Variants in LRRC32 observed in about 807,000 individuals in gnomAD.
LRRC32 encodes the protein transforming growth factor beta activator LRRC32.
LRRC32 carries 5 observed loss-of-function variants against 15.0 expected under a neutral mutation model. The observed-to-expected ratio is 0.33, with a 90% confidence interval of 0.17 to 0.70. The LOEUF is 0.70. Ranked by LOEUF, LRRC32 falls within the 30% of genes least tolerant of loss-of-function variation. The pLI is 0.66. For synonymous variants in LRRC32, 391 were observed against 403.9 expected, an observed-to-expected ratio of 0.97 and a Z score of 0.38; for missense variants, 803 against 854.2, an observed-to-expected ratio of 0.94 and a Z score of 0.75.
chr11:76,667,253 C>T (rs1952640530), intron 1 of LRRC32, among the ~76,000 whole-genome samples: 2 of 152,204 alleles, frequency 1.3e-5, no homozygotes, highest in South Asian at 4.1e-4. Context: ...TCTCAGAGAG[C>T]TTAGGTACTA....
Position 76,659,756 on chromosome 11 carries a change from C to T in LRRC32, c.1837G>A (p.Val613Met), listed in dbSNP as rs771302436. The T allele has an allele frequency of 1.4e-5, 22 of 1,614,108 alleles. No homozygotes were observed. The highest frequency in any genetic ancestry group is 2.2e-5 in the East Asian group (1 of 44,896). Residue 613 changes from valine to methionine, a missense_variant, in exon 3 of 3, where the codon GTG becomes ATG. Coordinates refer to ENST00000260061, the MANE Select transcript of LRRC32 (RefSeq NM_001128922.2). ...SSQEEVSLSH[V>M]RPEDCEKGGL... ...CCCTTCTCACAGTCCTCGGGACGCA[C>T]GTGGCTCAGGGACACCTCCTCCTGG...
Position 76,659,700 on chromosome 11 carries a change from G to A in LRRC32, c.1893C>T (p.Ile631=). ...GGLKNINLII[I]LTFILVSAIL... Reference sequence around the variant, plus strand: ...TGGCAGAGACCAGTATGAAGGTGAGGATGATGATGAGGTTGATGTTCTTCA... The same window carrying A: ...TGGCAGAGACCAGTATGAAGGTGAGAATGATGATGAGGTTGATGTTCTTCA... The change falls in exon 3 of 3, where the codon ATC becomes ATT. Residue 631 remains isoleucine (I), a synonymous_variant. Coordinates refer to ENST00000260061, the MANE Select transcript of LRRC32 (RefSeq NM_001128922.2). 1.2e-6 allele frequency: 2 copies of A among 1,614,194 alleles called. No individual in the cohort carries two copies. Among genetic ancestry groups the A allele is most frequent in the Non-Finnish European group, 1.7e-6 (2 of 1,180,010 alleles).
At chr11:76,666,026 C>T in intron 1 of LRRC32, 68 bp from the exon 2 acceptor site, 1 of 1,429,800 alleles carries the variant, frequency 7.0e-7, no homozygotes, top group South Asian at 1.2e-5. Context: ...CCAGCCCCCA[C>T]TCCCACCCAT....
chr11:76,670,635 TC>T lies in LRRC32; in HGVS notation c.-27del, dbSNP rs1197213198. The T allele has an allele frequency of 1.3e-3, 203 of 151,734 alleles. 6 individuals are homozygous for T. The highest frequency in any genetic ancestry group is 0.013 in the Admixed American group (203 of 15,274). The allele number at this position is 151,734 out of a possible 1,614,324, so 9.4% of individuals were successfully genotyped here. On this transcript the variant is annotated 5_prime_UTR_variant, in exon 1 of 3. It removes the in-frame stop codon of an upstream open reading frame in the 5' UTR. Coordinates refer to ENST00000260061, the MANE Select transcript of LRRC32 (RefSeq NM_001128922.2). The stretch of plus-strand genomic sequence containing the variant: ...CTACCTGGCTCAGCGCGGCCGCAGC[TC>T]CTCTCCCGGGCAGTCTCGGCACATT...
At chr11:76,665,817 C>G (rs1952616322) in intron 2 of LRRC32, 54 bp downstream of exon 2, 2 of 1,611,544 alleles carry the variant, frequency 1.2e-6, no homozygotes, top group South Asian at 2.2e-5. Context: ...ACTAGCACAC[C>G]CTAGGGCAGG....
Position 76,661,270 on chromosome 11 carries a change from C to A in LRRC32, c.323G>T (p.Arg108Leu). The A allele has an allele frequency of 6.2e-7, 1 of 1,614,098 alleles. No homozygotes were observed. The highest frequency in any genetic ancestry group is 8.5e-7 in the Non-Finnish European group (1 of 1,179,978). ...HLEHLSLAHN[R>L]LAMATALSAG... is the part of the protein sequence containing the mutation. The stretch of plus-strand genomic sequence containing the variant: ...ACTCAGCGCAGTGGCCATCGCCAGC[C>A]GGTTGTGAGCCAGGCTGAGGTGCTC... The change falls in exon 3 of 3, where the codon CGG (arginine) becomes CTG (leucine). Residue 108 changes from arginine (R) to leucine (L), a missense_variant. Transcript: ENST00000260061.
rs1328002563 is a variant in LRRC32 at position 76,660,345 on chromosome 11, G to A, written c.1248C>T (p.Asn416=). The stretch of plus-strand genomic sequence containing the variant: ...AGGGGCTGACTCGGTTCCCCTGCAG[G>A]TTGAGCCGCTGCAGGCTGGCCAGAT... The part of the protein sequence containing the change: ...FANLASLQRL[N]LQGNRVSPCG... Residue 416 remains asparagine, a synonymous_variant, in exon 3 of 3, where the codon AAC becomes AAT. Transcript: ENST00000260061. 6.2e-7 allele frequency: 1 copy of A among 1,611,988 alleles called. No homozygotes were observed.
At chr11:76,668,339 C>T (rs748273039) in intron 1 of LRRC32, among the ~76,000 whole-genome samples, 1 of 152,144 alleles carries the variant, frequency 6.6e-6, no homozygotes, top group Non-Finnish European at 1.5e-5. Context: ...GCCTTGACCA[C>T]AGCACCCTGA....
intron 1 of LRRC32, among the ~76,000 whole-genome samples, chr11:76,669,052 G>GT (rs1257642910): frequency 6.6e-6 from 1 of 152,206 alleles, no homozygotes; most frequent in Non-Finnish European, 1.5e-5. Flanking sequence ...GCTCCCTAAG[G>GT]TAAGTCCCTT....
Position 76,661,008 on chromosome 11 carries a change from A to G in LRRC32, c.585T>C (p.Gly195=), listed in dbSNP as rs3740779. ...LMDIEDGAFE[G]LPRLTHLNLS... ...GGTTGAGATGGGTCAGGCGGGGCAG[A>G]CCCTCGAAGGCGCCATCCTCGATGT... The change falls in exon 3 of 3, where the codon GGT becomes GGC. Residue 195 remains glycine (G), a synonymous_variant. Coordinates refer to ENST00000260061, the MANE Select transcript of LRRC32 (RefSeq NM_001128922.2). 993,694 of 1,613,794 alleles carry G rather than the reference A, an allele frequency of 0.62. 307,430 individuals carry two copies. Among genetic ancestry groups the G allele is most frequent in the Middle Eastern group, 0.68 (4,113 of 6,058 alleles).
intron 2 of LRRC32, among the ~76,000 whole-genome samples, chr11:76,664,457 G>A (rs1418264347): frequency 6.6e-6 from 1 of 152,208 alleles, no homozygotes; most frequent in East Asian, 1.9e-4. Flanking sequence ...CCCACCCACT[G>A]TCCTGGGCTA....
chr11:76,665,020 C>T (rs917489107), intron 2 of LRRC32, among the ~76,000 whole-genome samples: 8 of 152,224 alleles, frequency 5.3e-5, no homozygotes, highest in East Asian at 1.9e-4. Context: ...GAGGGGCTTC[C>T]GGAGGCCCTG....
intron 2 of LRRC32, among the ~76,000 whole-genome samples, chr11:76,665,250 AC>A (rs1245805645): frequency 6.6e-6 from 1 of 152,020 alleles, no homozygotes; most frequent in African/African-American, 2.4e-5. Context: ...TTCACCAACC[AC>A]CCCACATGTT....
intron 1 of LRRC32, among the ~76,000 whole-genome samples, chr11:76,668,310 A>G: frequency 6.6e-6 from 1 of 152,034 alleles, no homozygotes; most frequent in Non-Finnish European, 1.5e-5. Flanking sequence ...CCACAGACCG[A>G]GACGCCACCC....
At chr11:76,669,426 C>A (rs146891163) in intron 1 of LRRC32, among the ~76,000 whole-genome samples, 1 of 148,648 alleles carries the variant, frequency 6.7e-6, no homozygotes, top group Non-Finnish European at 1.5e-5. Context: ...AGCAGGGGTA[C>A]GGGGGGCAAT....
rs1272943735 is a variant in LRRC32, at chr11:76,660,426, C to T, written c.1167G>A (p.Arg389=). The change falls in exon 3 of 3, where the codon CGG becomes CGA. Residue 389 remains arginine, a synonymous_variant. Coordinates refer to ENST00000260061, the MANE Select transcript of LRRC32 (RefSeq NM_001128922.2). The part of the protein sequence containing the change: ...ELGARALGSL[R]TLLLQGNALR... ...GGGCATTGCCCTGTAGGAGCAGCGT[C>T]CGCAGAGACCCCAGGGCTCTGGCGC... 3 of 1,613,638 alleles carry T rather than the reference C, an allele frequency of 1.9e-6. No individual in the cohort carries two copies. The highest frequency in any genetic ancestry group is 2.5e-6 in the Non-Finnish European group (3 of 1,179,856).
rs1235293998 is a variant in LRRC32 at position 76,670,742 on chromosome 11, C to T, written c.-133G>A. On this transcript the variant is annotated 5_prime_UTR_variant, in exon 1 of 3. Coordinates refer to ENST00000260061, the MANE Select transcript of LRRC32 (RefSeq NM_001128922.2). The stretch of plus-strand genomic sequence containing the variant: ...GAGGAGGAGCAGGCCGCTCAGCTGC[C>T]CCACCGGAGCCCCCGCGCTCCGGCT... 2 of 152,174 alleles carry T rather than the reference C, an allele frequency of 1.3e-5. No homozygotes were observed. Among genetic ancestry groups the T allele is most frequent in the African/African-American group, 4.8e-5 (2 of 41,442 alleles). The allele number at this position is 152,174 out of a possible 1,614,324, so 9.4% of individuals were successfully genotyped here. A position where few individuals can be genotyped will look rare whatever the true frequency, so the allele number is the denominator to read the frequency against.
At position 76,664,084 on chromosome 11, in the gene LRRC32, G is replaced by A. The variant is rs151110541; in HGVS notation, c.84+1787C>T. Among the ~76,000 whole-genome samples, 287 of 152,298 alleles carry A rather than the reference G, an allele frequency of 1.9e-3. 1 individual carries two copies. Among genetic ancestry groups the A allele is most frequent in the African/African-American group, 6.4e-3 (268 of 41,572 alleles). Reference sequence around the variant, plus strand: ...TGTGGGGGGCACCGTGCTGTGCCCCGCGTGTTACCCCCGGGCAAGTGCAGA... The same window carrying A: ...TGTGGGGGGCACCGTGCTGTGCCCCACGTGTTACCCCCGGGCAAGTGCAGA... On this transcript the variant is annotated intron_variant, in intron 2 of 2. Coordinates refer to ENST00000260061, the MANE Select transcript of LRRC32 (RefSeq NM_001128922.2).
chr11:76,660,333 G>C lies in LRRC32; in HGVS notation c.1260C>G (p.Asn420Lys). The C allele has an allele frequency of 6.2e-7, 1 of 1,608,850 alleles. No individual in the cohort carries two copies. The highest frequency in any genetic ancestry group is 1.1e-5 in the South Asian group (1 of 90,180). The change falls in exon 3 of 3, where the codon AAC becomes AAG. Residue 420 changes from asparagine to lysine, a missense_variant. Transcript: ENST00000260061. Reference protein sequence around the residue: ...ASLQRLNLQGNRVSPCGGPDE... With the variant: ...ASLQRLNLQGKRVSPCGGPDE... ...CTGGCCCCCCACAGGGGCTGACTCGGTTCCCCTGCAGGTTGAGCCGCTGCA... is the reference window on the plus strand; with the variant it reads ...CTGGCCCCCCACAGGGGCTGACTCGCTTCCCCTGCAGGTTGAGCCGCTGCA...
Sources: allele counts gnomAD v4.1 joint callset (sites outside exome capture counted in the v4.1 genomes callset), GRCh38; gene constraint gnomAD v4.1.1; transcripts MANE v1.5; gene names NCBI Gene and HGNC (gene_info 2026-07-23, HGNC 2026-07-21).